Variants in COL4A1 observed in about 807,000 individuals in gnomAD.
The protein encoded by COL4A1 is collagen alpha-1(IV) chain.
In COL4A1, 40 loss-of-function variants were observed where a neutral mutation model predicts 216.6. The observed-to-expected ratio is 0.18, with a 90% CI of 0.14 to 0.24. COL4A1 has a LOEUF of 0.24. Ranked by LOEUF, COL4A1 falls within the 10% of genes least tolerant of loss-of-function variation. COL4A1 has a pLI of 1.00. For missense variants in COL4A1, 1,628 were observed against 2,196.8 expected (o/e 0.74, Z 5.18); for synonymous variants, 839 against 810.7 (o/e 1.03, Z -0.59).
chr13:110,163,100 C>T lies in COL4A1; in HGVS notation c.4249+363G>A, dbSNP rs144495645. Among the ~76,000 whole-genome samples the T allele has an allele frequency of 2.4e-3, 367 of 152,346 alleles. 2 individuals are homozygous for T. The highest frequency in any genetic ancestry group is 8.2e-3 in the African/African-American group (341 of 41,584). ...CCTAAGGAAGCAGATCAAGTTCATC[C>T]CATGCCTTTGGGCCAATGCTGGCAT... is the stretch of plus-strand genomic sequence containing the variant. On this transcript the variant is annotated intron_variant, in intron 47 of 51. Coordinates refer to ENST00000375820, the MANE Select transcript of COL4A1 (RefSeq NM_001845.6).
rs186462880 is a variant in COL4A1 at position 110,224,689 on chromosome 13, T to C, written c.145-10674A>G. On this transcript the variant is annotated intron_variant, in intron 2 of 51. Transcript: ENST00000375820. ...AGCTCCAAAGCAAGGCCCCTGAGGG[T>C]TCGAAAGACATGTTCTACATTAACA... Among the ~76,000 whole-genome samples, 509 of 152,264 alleles carry C rather than the reference T, an allele frequency of 3.3e-3. 3 individuals carry two copies. The highest frequency in any genetic ancestry group is 5.9e-3 in the Non-Finnish European group (401 of 68,028).
In COL4A1 at chr13:110,205,546, A is replaced by G; in HGVS notation, c.859-8T>C. On this transcript the variant is annotated splice_polypyrimidine_tract_variant and splice_region_variant and intron_variant, in intron 15 of 51. Transcript: ENST00000375820. ...ATCTTTTCCGGGTTTGCCCTGTAGA[A>G]TAAAGATGTAAACGTTAGTATTTAA... is the stretch of plus-strand genomic sequence containing the variant. 6.2e-7 allele frequency: 1 copy of G among 1,612,284 alleles called. No individual in the cohort carries two copies. Among genetic ancestry groups the G allele is most frequent in the Non-Finnish European group, 8.5e-7 (1 of 1,179,578 alleles).
At position 110,173,862 on chromosome 13, in the gene COL4A1, C is replaced by T. The variant is rs111982491; in HGVS notation, c.3505+38G>A. 134 of 1,612,812 alleles carry T rather than the reference C, an allele frequency of 8.3e-5. 3 individuals are homozygous for T. In the African/African-American group the frequency reaches 1.4e-3, roughly 17 times the overall value. On this transcript the variant is annotated intron_variant, in intron 40 of 51. Coordinates refer to ENST00000375820, the MANE Select transcript of COL4A1 (RefSeq NM_001845.6). The stretch of plus-strand genomic sequence containing the variant: ...GTCTGCAGGTCTCTGGGAGTGGACA[C>T]TGCTGATTCTGATAGGGAATGGGGC...
chr13:110,237,863 A>G (rs1282593754), intron 2 of COL4A1, among the ~76,000 whole-genome samples: 1 of 152,248 alleles, frequency 6.6e-6, no homozygotes, highest in Non-Finnish European at 1.5e-5. Flanking sequence ...ACTGTTTGCC[A>G]TAACAAAAGA....
At chr13:110,205,295 G>C in intron 17 of COL4A1, 58 bp downstream of exon 17, 1 of 1,597,708 alleles carries the variant, frequency 6.3e-7, no homozygotes, top group Non-Finnish European at 8.6e-7. Flanking sequence ...AGAATAAACA[G>C]ACTTCTGGGT....
intron 20 of COL4A1, 31 bp from the exon 21 acceptor site, chr13:110,198,662 C>T (rs750856133): frequency 1.1e-5 from 18 of 1,613,494 alleles, no homozygotes; most frequent in Admixed American, 1.7e-5. Context: ...ACATCAGTAA[C>T]CTCAGGGCCA....
chr13:110,153,679 G>T (rs746414269), intron 50 of COL4A1, among the ~76,000 whole-genome samples: 1 of 152,168 alleles, frequency 6.6e-6, no homozygotes, highest in Non-Finnish European at 1.5e-5. Context: ...GCAGCACTTC[G>T]AATTATTGCA....
At position 110,287,111 on chromosome 13, in the gene COL4A1, G is replaced by A. The variant is rs191403950; in HGVS notation, c.84+19833C>T. On this transcript the variant is annotated intron_variant, in intron 1 of 51. Coordinates refer to ENST00000375820, the MANE Select transcript of COL4A1 (RefSeq NM_001845.6). ...TAGGAAGAGGCAGGAGAGGCCCCGG[G>A]CACCCCAGGTGTAGACATGAGGGCT... 3.4e-3 allele frequency among the ~76,000 whole-genome samples: 512 copies of A among 152,304 alleles called. 2 individuals carry two copies. The highest frequency in any genetic ancestry group is 0.012 in the South Asian group (58 of 4,820).
chr13:110,254,179 G>A (rs1193116039), intron 1 of COL4A1, among the ~76,000 whole-genome samples: 1 of 152,128 alleles, frequency 6.6e-6, no homozygotes, highest in Non-Finnish European at 1.5e-5. Context: ...TCCTATCAGA[G>A]GATGACTTAG....
chr13:110,287,629 A>G (rs1293904456), intron 1 of COL4A1, among the ~76,000 whole-genome samples: 3 of 152,236 alleles, frequency 2.0e-5, no homozygotes, highest in Admixed American at 6.5e-5. Flanking sequence ...AGACCCAGAA[A>G]GAAGCCGGCA....
At chr13:110,219,931 T>C (rs1052011175) in intron 2 of COL4A1, among the ~76,000 whole-genome samples, 2 of 111,830 alleles carry the variant, frequency 1.8e-5, no homozygotes, top group South Asian at 2.9e-4. Context: ...TATATGTATG[T>C]ATATGTGTGT....
At chr13:110,299,412 G>A (rs1213294198) in intron 1 of COL4A1, among the ~76,000 whole-genome samples, 1 of 152,210 alleles carries the variant, frequency 6.6e-6, no homozygotes, top group Non-Finnish European at 1.5e-5. Context: ...CAGCCCCAAG[G>A]GGTCTTGATG....
At chr13:110,221,250 G>C (rs1880464323) in intron 2 of COL4A1, among the ~76,000 whole-genome samples, 1 of 152,158 alleles carries the variant, frequency 6.6e-6, no homozygotes, top group Non-Finnish European at 1.5e-5. Flanking sequence ...GAATATTTCT[G>C]ATAGATCCAC....
intron 51 of COL4A1, among the ~76,000 whole-genome samples, chr13:110,151,091 A>C (rs1876478816): frequency 6.6e-6 from 1 of 152,190 alleles, no homozygotes; most frequent in Non-Finnish European, 1.5e-5. Context: ...TCTGAACTAA[A>C]ATTGTTACTG....
At chr13:110,231,452 C>T (rs998636210) in intron 2 of COL4A1, among the ~76,000 whole-genome samples, 5 of 152,196 alleles carry the variant, frequency 3.3e-5, no homozygotes, top group African/African-American at 1.2e-4. Flanking sequence ...TTGGGGCCTG[C>T]GAATGACCGT....
intron 2 of COL4A1, among the ~76,000 whole-genome samples, chr13:110,215,872 G>C (rs1313611829): frequency 6.6e-6 from 1 of 152,142 alleles, no homozygotes; most frequent in Non-Finnish European, 1.5e-5. Flanking sequence ...CACTTAACTG[G>C]TGAATTAACT....
intron 2 of COL4A1, among the ~76,000 whole-genome samples, chr13:110,226,181 CAT>C (rs1880728872): frequency 6.6e-6 from 1 of 152,134 alleles, no homozygotes. Flanking sequence ...CTAAGACAGA[CAT>C]AAGAAAATTG....
chr13:110,196,267 C>T (rs1418117117), intron 21 of COL4A1, among the ~76,000 whole-genome samples: 1 of 152,204 alleles, frequency 6.6e-6, no homozygotes. Context: ...GGGTCCCCCA[C>T]AGCCACTGCT....
intron 18 of COL4A1, among the ~76,000 whole-genome samples, chr13:110,202,120 C>T (rs113987896): frequency 6.6e-6 from 1 of 152,054 alleles, no homozygotes; most frequent in African/African-American, 2.4e-5. Flanking sequence ...TTGTAACACT[C>T]CAGTGAGGTA....
Sources: allele counts gnomAD v4.1 joint callset (sites outside exome capture counted in the v4.1 genomes callset), GRCh38; gene constraint gnomAD v4.1.1; transcripts MANE v1.5; gene names NCBI Gene and HGNC (gene_info 2026-07-23, HGNC 2026-07-21).